CDK14: variants seen among roughly 807,000 people sequenced by gnomAD.
CDK14 encodes cyclin dependent kinase 14, also known as cyclin-dependent kinase 14.
Under a neutral mutation model 60.7 loss-of-function variants are expected in CDK14, and 34 were observed. That is an observed-to-expected ratio of 0.56 (90% CI 0.43 to 0.75). CDK14 has a LOEUF of 0.75. CDK14 is among the 30% of genes least tolerant of loss of function. CDK14 has a pLI of 0.00. For synonymous variants in CDK14, 197 were observed against 203.7 expected, an observed-to-expected ratio of 0.97 and a Z score of 0.28; for missense variants, 482 against 564.1, an observed-to-expected ratio of 0.85 and a Z score of 1.47.
At chr7:90,709,646 T>G (rs1417706064) in intron 2 of CDK14, 2 of 1,605,910 alleles carry the variant, frequency 1.2e-6, no homozygotes, top group Non-Finnish European at 1.7e-6. Context: ...AAATTAGATT[T>G]TTTGGAGAAA....
At chr7:90,620,478 A>G (rs1799743365) in intron 2 of CDK14, among the ~76,000 whole-genome samples, 1 of 152,032 alleles carries the variant, frequency 6.6e-6, no homozygotes, top group African/African-American at 2.4e-5. Context: ...AGAGCGCTGG[A>G]ATCTCCTTCA....
At chr7:90,902,664 T>A (rs1338037968) in intron 7 of CDK14, among the ~76,000 whole-genome samples, 1 of 152,052 alleles carries the variant, frequency 6.6e-6, no homozygotes, top group African/African-American at 2.4e-5. Flanking sequence ...CAAGAAAACA[T>A]GGGAGAAACA....
At position 90,654,862 on chromosome 7, in the gene CDK14, G is replaced by T. The variant is rs574497526; in HGVS notation, c.123+50613G>T. ...ACTAAAGTTCATAGTTTACATTAGG[G>T]TTCACTCTGTGTTGTGCCGTTCTCT... is the stretch of plus-strand genomic sequence containing the variant. On this transcript the variant is annotated intron_variant, in intron 2 of 14. Transcript: ENST00000380050. 1.5e-3 allele frequency among the ~76,000 whole-genome samples: 234 copies of T among 152,180 alleles called. 1 individual carries two copies. Among genetic ancestry groups the T allele is most frequent in the African/African-American group, 5.4e-3 (225 of 41,508 alleles).
At chr7:91,097,398 C>CA (rs1799025001) in intron 12 of CDK14, among the ~76,000 whole-genome samples, 1 of 151,274 alleles carries the variant, frequency 6.6e-6, no homozygotes, top group East Asian at 1.9e-4. Context: ...AAAAAAAATA[C>CA]AAAAAAAATT....
chr7:90,632,959 C>T (rs1284305299), intron 2 of CDK14, among the ~76,000 whole-genome samples: 1 of 152,010 alleles, frequency 6.6e-6, no homozygotes, highest in Admixed American at 6.6e-5. Flanking sequence ...TGTGGTGGCA[C>T]ATGCCTGTAG....
intron 14 of CDK14, among the ~76,000 whole-genome samples, chr7:91,121,402 A>G (rs1401656043): frequency 1.3e-5 from 2 of 152,318 alleles, no homozygotes; most frequent in East Asian, 3.9e-4. Context: ...GTAAATGTGG[A>G]AAATGCATTA....
At chr7:91,093,421 C>T (rs1368300998) in intron 12 of CDK14, among the ~76,000 whole-genome samples, 2 of 152,156 alleles carry the variant, frequency 1.3e-5, no homozygotes, top group African/African-American at 4.8e-5. Flanking sequence ...AAAGGACAAA[C>T]AGAGTGGGCC....
rs573962884 is a variant in CDK14 at position 91,032,969 on chromosome 7, T to C, written c.1042-12928T>C. Reference sequence around the variant, plus strand: ...CTGAAATGAATATTTAAATTAAAATTTTAAAGCACTACATTTTTCAGGGTA... The same window carrying C: ...CTGAAATGAATATTTAAATTAAAATCTTAAAGCACTACATTTTTCAGGGTA... On this transcript the variant is annotated intron_variant, in intron 10 of 14. Transcript: ENST00000380050. 6.6e-5 allele frequency among the ~76,000 whole-genome samples: 10 copies of C among 152,356 alleles called. No homozygotes were observed. The South Asian group carries it at 2.1e-3, about 32-fold the overall frequency.
chr7:90,638,230 G>A (rs1464334047), intron 2 of CDK14, among the ~76,000 whole-genome samples: 2 of 152,144 alleles, frequency 1.3e-5, no homozygotes, highest in African/African-American at 2.4e-5. Context: ...TAGTCCTGAT[G>A]GTCTTTACAT....
chr7:90,684,441 G>A (rs572601257), intron 2 of CDK14, among the ~76,000 whole-genome samples: 4 of 152,220 alleles, frequency 2.6e-5, no homozygotes, highest in African/African-American at 7.2e-5. Context: ...AATACAATTT[G>A]GATTTGTTTG....
At chr7:90,823,738 G>T (rs1789628250) in intron 5 of CDK14, among the ~76,000 whole-genome samples, 1 of 152,154 alleles carries the variant, frequency 6.6e-6, no homozygotes. Flanking sequence ...CCCTCTCCCT[G>T]TGCCAAGTTC....
chr7:91,093,388 A>T (rs1385123542), intron 12 of CDK14, among the ~76,000 whole-genome samples: 1 of 152,184 alleles, frequency 6.6e-6, no homozygotes, highest in Admixed American at 6.6e-5. Flanking sequence ...CCATAAAATG[A>T]GGAAGTCATT....
chr7:91,078,260 C>T (rs1254255731), intron 11 of CDK14, among the ~76,000 whole-genome samples: 2 of 152,124 alleles, frequency 1.3e-5, no homozygotes, highest in East Asian at 1.9e-4. Flanking sequence ...AATGGGAGAA[C>T]AGTTAAATAA....
chr7:90,901,028 T>C (rs540156603), intron 7 of CDK14, among the ~76,000 whole-genome samples: 3 of 152,300 alleles, frequency 2.0e-5, no homozygotes, highest in African/African-American at 7.2e-5. Context: ...TTTTCCCTTA[T>C]CTCCTAATGG....
intron 6 of CDK14, among the ~76,000 whole-genome samples, chr7:90,870,909 A>T (rs1429473725): frequency 6.6e-6 from 1 of 152,194 alleles, no homozygotes; most frequent in Non-Finnish European, 1.5e-5. Context: ...AGACTAGTGA[A>T]CTAGTTTGAG....
chr7:91,054,849 G>T (rs1477526763), intron 11 of CDK14, among the ~76,000 whole-genome samples: 2 of 152,152 alleles, frequency 1.3e-5, no homozygotes, highest in Admixed American at 1.3e-4. Context: ...AAACAATTCA[G>T]GGGGGCAGGT....
chr7:90,716,836 A>G (rs552676210), intron 2 of CDK14, among the ~76,000 whole-genome samples: 1 of 152,212 alleles, frequency 6.6e-6, no homozygotes, highest in African/African-American at 2.4e-5. Context: ...TTATTGGACC[A>G]TAACAGCAGA....
At chr7:91,085,384 T>A (rs1239711787) in intron 12 of CDK14, among the ~76,000 whole-genome samples, 1 of 152,150 alleles carries the variant, frequency 6.6e-6, no homozygotes. Context: ...AGCCACCTTC[T>A]CCATCAAACA....
chr7:91,009,039 G>A (rs1446477492), intron 10 of CDK14, among the ~76,000 whole-genome samples: 1 of 151,732 alleles, frequency 6.6e-6, no homozygotes, highest in Non-Finnish European at 1.5e-5. Context: ...CCATCCCCAA[G>A]CGACTACTGA....
Sources: allele counts gnomAD v4.1 joint callset (sites outside exome capture counted in the v4.1 genomes callset), GRCh38; gene constraint gnomAD v4.1.1; transcripts MANE v1.5; gene names NCBI Gene and HGNC (gene_info 2026-07-23, HGNC 2026-07-21).